The following SPIRE2 variants were observed in gnomAD, a reference collection of about 807,000 sequenced individuals.
SPIRE2 encodes the protein protein spire homolog 2.
A neutral mutation model predicts 80.7 loss-of-function variants in SPIRE2; 76 were observed. That is an observed-to-expected ratio of 0.94 (90% CI 0.78 to 1.14). The LOEUF (loss-of-function observed/expected upper bound fraction) is 1.14, where lower values mean the gene tolerates loss of function less well. SPIRE2 is among the 50% of genes most tolerant of loss of function. SPIRE2 has a pLI of 0.00. For synonymous variants in SPIRE2, 535 were observed against 432.6 expected (o/e 1.24, Z -2.94); for missense variants, 1,196 against 1,015.3 (o/e 1.18, Z -2.42).
In SPIRE2 at chr16:89,863,011, G is replaced by C. The variant is rs1170020941; in HGVS notation, c.1576-465G>C. ...CACACTCAACATAAGGTGGCCCCAG[G>C]AATCAGTGGCCAGGACACGGGAGGT... On this transcript the variant is annotated intron_variant, in intron 10 of 14. Transcript: ENST00000378247. This position sits in a 1 kb window ranked among gnomAD's most constrained non-coding sequence, Gnocchi z 4.3. The C allele has an allele frequency of 5.9e-6, 1 of 170,610 alleles. No individual in the cohort carries two copies. Among genetic ancestry groups the C allele is most frequent in the Non-Finnish European group, 1.3e-5 (1 of 77,718 alleles). The allele number at this position is 170,610 out of a possible 1,614,324, so 10.6% of individuals were successfully genotyped here. A position where few individuals can be genotyped will look rare whatever the true frequency, so the allele number is the denominator to read the frequency against.
chr16:89,854,224 G>T, intron 3 of SPIRE2, 62 bp from the exon 4 acceptor site: 1 of 1,487,890 alleles, frequency 6.7e-7, no homozygotes, highest in Admixed American at 1.8e-5. Context: ...TGACGGACGG[G>T]GCCCGTCTTG....
chr16:89,828,863 G>A lies in SPIRE2; in HGVS notation c.244+69G>A, dbSNP rs1014690874. On this transcript the variant is annotated intron_variant, in intron 1 of 14. Transcript: ENST00000378247. This position sits in a 1 kb window ranked among gnomAD's most constrained non-coding sequence, Gnocchi z 5.9. ...GCGTCCGTCCCGCCCCCTGGGTGGG[G>A]GTGGTCCCGGCGGAGAGGCTGCGAC... is the stretch of plus-strand genomic sequence containing the variant. The A allele has an allele frequency of 4.2e-5, 47 of 1,132,238 alleles. No individual in the cohort carries two copies. The African/African-American group carries it at 6.0e-4, about 15-fold the overall frequency. The allele number at this position is 1,132,238 out of a possible 1,614,324, so 70.1% of individuals were successfully genotyped here. A position where few individuals can be genotyped will look rare whatever the true frequency, so the allele number is the denominator to read the frequency against.
At chr16:89,836,447 T>C (rs920890613) in intron 1 of SPIRE2, 3 of 318,808 alleles carry the variant, frequency 9.4e-6, no homozygotes, top group Admixed American at 3.9e-5. Flanking sequence ...TTTCCTTGCG[T>C]CTCTCTCCAT....
chr16:89,854,696 T>C, intron 5 of SPIRE2, 45 bp downstream of exon 5: 1 of 1,592,284 alleles, frequency 6.3e-7, no homozygotes, highest in Non-Finnish European at 8.6e-7. Context: ...GCAGAGGTCG[T>C]GGTGAGCGGG....
At chr16:89,836,288 C>G (rs1472426008) in intron 1 of SPIRE2, 19 of 455,836 alleles carry the variant, frequency 4.2e-5, no homozygotes, top group Non-Finnish European at 7.5e-5. Context: ...CCACTGTAAG[C>G]TCCTCTCGGT....
chr16:89,867,124 G>T lies in SPIRE2; in HGVS notation c.1779-1065G>T, dbSNP rs561990004. Among the ~76,000 whole-genome samples, 147 of 150,492 alleles carry T rather than the reference G, an allele frequency of 9.8e-4. 3 individuals are homozygous for T. The South Asian group carries it at 0.017, about 18-fold the overall frequency. ...AAGACAGTGTGCAAGTTTTTTTTTT[G>T]TTTTTTGTTGTTGTTGTTGTTTGCT... On this transcript the variant is annotated intron_variant, in intron 12 of 14. Coordinates refer to ENST00000378247, the MANE Select transcript of SPIRE2 (RefSeq NM_032451.2).
intron 2 of SPIRE2, chr16:89,845,811 CTGAAGTCATGTCTGGAACGTCA>C (rs2041553807): frequency 1.0e-5 from 6 of 572,416 alleles, no homozygotes. Flanking sequence ...TTCACCTGCC[CTGAAGTCATGTCTGGAACGTCA>C]TGTTTCCACT....
At chr16:89,838,176 T>A (rs1481577174) in intron 1 of SPIRE2, among the ~76,000 whole-genome samples, 1 of 146,976 alleles carries the variant, frequency 6.8e-6, no homozygotes, top group Non-Finnish European at 1.5e-5. Context: ...TTTTTTTTTT[T>A]TTTTTTTTTT....
At chr16:89,868,043 T>A in intron 12 of SPIRE2, 146 bp from the exon 13 acceptor site, 1 of 860,454 alleles carries the variant, frequency 1.2e-6, no homozygotes, top group East Asian at 2.4e-5. Context: ...GATTTTGGAG[T>A]AAAATAAAGT....
In SPIRE2 at chr16:89,828,852, C is replaced by T; in HGVS notation, c.244+58C>T. 8.6e-7 allele frequency: 1 copy of T among 1,157,244 alleles called. No individual in the cohort carries two copies. The highest frequency in any genetic ancestry group is 4.3e-5 in the South Asian group (1 of 23,418). The allele number at this position is 1,157,244 out of a possible 1,614,324, so 71.7% of individuals were successfully genotyped here. A position where few individuals can be genotyped will look rare whatever the true frequency, so the allele number is the denominator to read the frequency against. ...CGCGGTCTGGGGCGTCCGTCCCGCC[C>T]CCTGGGTGGGGGTGGTCCCGGCGGA... On this transcript the variant is annotated intron_variant, in intron 1 of 14. Coordinates refer to ENST00000378247, the MANE Select transcript of SPIRE2 (RefSeq NM_032451.2). This position sits in a 1 kb window ranked among gnomAD's most constrained non-coding sequence, Gnocchi z 5.9.
chr16:89,859,129 A>G, intron 8 of SPIRE2, 36 bp from the exon 9 acceptor site: 1 of 1,494,746 alleles, frequency 6.7e-7, no homozygotes, highest in East Asian at 2.5e-5. Context: ...ACTGGCGGGC[A>G]TTGTCAGGGC....
chr16:89,856,593 T>G (rs2041693956), intron 7 of SPIRE2, among the ~76,000 whole-genome samples: 1 of 148,986 alleles, frequency 6.7e-6, no homozygotes, highest in Admixed American at 6.7e-5. Context: ...TACAGGCACG[T>G]GCCACCACGC....
chr16:89,850,403 G>T lies in SPIRE2; in HGVS notation c.388G>T (p.Asp130Tyr), dbSNP rs1218245597. Residue 130 changes from aspartate (D) to tyrosine (Y), a missense_variant, in exon 3 of 15, where the codon GAC becomes TAC. Physicochemically the swap from Asp to Tyr is radical, Grantham distance 160. Coordinates refer to ENST00000378247, the MANE Select transcript of SPIRE2 (RefSeq NM_032451.2). ...ELSPQLERLI[D>Y]LMANNDSEDS... ...CAGCCCTCAGCTGGAGCGGCTCATC[G>T]ACCTCATGGCCAACAACGACAGCGA... 6.3e-7 allele frequency: 1 copy of T among 1,595,304 alleles called. No homozygotes were observed.
rs937292199 is a variant in SPIRE2 at position 89,831,217 on chromosome 16, T to C, written c.244+2423T>C. Among the ~76,000 whole-genome samples, 3 of 150,344 alleles carry C rather than the reference T, an allele frequency of 2.0e-5. No homozygotes were observed. In the East Asian group the frequency reaches 5.9e-4, roughly 29 times the overall value. ...AGCCACTGCGCCCAGCTGGGTGGTT[T>C]CTCAAATACATCTCAGACGTGGTGC... is the stretch of plus-strand genomic sequence containing the variant. On this transcript the variant is annotated intron_variant, in intron 1 of 14. Transcript: ENST00000378247.
chr16:89,865,903 G>C (rs764904114), intron 12 of SPIRE2, among the ~76,000 whole-genome samples: 4 of 150,838 alleles, frequency 2.7e-5, no homozygotes, highest in Admixed American at 2.0e-4. Context: ...GTGAGGTGGA[G>C]GGTGCAGTGA....
chr16:89,861,405 T>C (rs2041743421), intron 10 of SPIRE2, among the ~76,000 whole-genome samples: 1 of 152,202 alleles, frequency 6.6e-6, no homozygotes, highest in Admixed American at 6.5e-5. Context: ...TGAGAACAGA[T>C]GTTAAAATGC....
chr16:89,839,376 A>C (rs1291463102), intron 1 of SPIRE2, among the ~76,000 whole-genome samples: 1 of 150,676 alleles, frequency 6.6e-6, no homozygotes, highest in Non-Finnish European at 1.5e-5. Flanking sequence ...TCCATCTCAA[A>C]AAAAAAAAAA....
intron 1 of SPIRE2, among the ~76,000 whole-genome samples, chr16:89,840,960 A>G (rs903450198): frequency 2.0e-5 from 3 of 152,024 alleles, no homozygotes; most frequent in African/African-American, 7.2e-5. Flanking sequence ...TTTTACAAGC[A>G]CACACAGGAT....
chr16:89,859,051 C>G, intron 8 of SPIRE2, 114 bp from the exon 9 acceptor site: 1 of 966,398 alleles, frequency 1.0e-6, no homozygotes. Context: ...GTGGAGGCTG[C>G]CCCACATCGC....
Sources: gnomAD v4.1 joint callset for allele counts (sites outside exome capture counted in the v4.1 genomes callset) on GRCh38, gnomAD v4.1.1 for gene constraint, Gnocchi (gnomAD v3.1) non-coding constraint, MANE v1.5 for transcripts, NCBI Gene and HGNC (gene_info 2026-07-23, HGNC 2026-07-21) for gene names.